Variants in TRIP13 observed in about 807,000 individuals in gnomAD.
TRIP13 encodes pachytene checkpoint protein 2 homolog.
A neutral mutation model predicts 54.4 loss-of-function variants in TRIP13; 25 were observed. The ratio of observed to expected loss-of-function variants is 0.46; its 90% CI spans 0.33 to 0.64. The LOEUF (loss-of-function observed/expected upper bound fraction) is 0.64. TRIP13 is among the 30% of genes least tolerant of loss of function. TRIP13 has a pLI of 0.02. For synonymous variants in TRIP13, 207 were observed against 207.8 expected (o/e 1.00, Z 0.03); for missense variants, 373 against 534.2 (o/e 0.70, Z 2.97).
rs1753683154 is a variant in TRIP13 at position 892,887 on chromosome 5, T to G, written c.-112T>G. ...GAGGTGGTGCGCCTCGCGCGGCAGA[T>G]TCGAAGCTAGGGCGGGGCCCGCGGG... On this transcript the variant is annotated 5_prime_UTR_variant, in exon 1 of 13. Transcript: ENST00000166345. The G allele has an allele frequency of 2.2e-5, 25 of 1,159,892 alleles. No individual in the cohort carries two copies. The South Asian group carries it at 3.5e-4, about 16-fold the overall frequency. 71.9% of individuals were successfully genotyped at this position (1,159,892 alleles called of 1,614,324 possible).
chr5:901,941 C>G (rs960424958), intron 5 of TRIP13, among the ~76,000 whole-genome samples: 4 of 152,204 alleles, frequency 2.6e-5, no homozygotes, highest in Non-Finnish European at 4.4e-5. Flanking sequence ...ATTGATTACT[C>G]GGCACTTAAT....
chr5:896,772 A>G lies in TRIP13; in HGVS notation c.366A>G (p.Ala122=), dbSNP rs781521478. 2.5e-6 allele frequency: 4 copies of G among 1,613,750 alleles called. No individual in the cohort carries two copies. Among genetic ancestry groups the G allele is most frequent in the Non-Finnish European group, 3.4e-6 (4 of 1,179,776 alleles). The change falls in exon 3 of 13, where the codon GCA becomes GCG. Residue 122 remains alanine, a synonymous_variant. Transcript: ENST00000166345. The part of the protein sequence containing the change: ...LEEETENIIA[A]NHWVLPAAEF... ...AAGAGACAGAAAACATAATTGCAGCAAATCACTGGGTTCTACCTGCAGGTA... is the reference window on the plus strand; with the variant it reads ...AAGAGACAGAAAACATAATTGCAGCGAATCACTGGGTTCTACCTGCAGGTA...
At chr5:905,478 C>T (rs1404266843) in intron 6 of TRIP13, among the ~76,000 whole-genome samples, 1 of 152,198 alleles carries the variant, frequency 6.6e-6, no homozygotes, top group Admixed American at 6.5e-5. Context: ...CCTTCAGTCA[C>T]TTCAGACTCC....
At chr5:894,701 A>G (rs1753870530) in intron 1 of TRIP13, 86 bp from the exon 2 acceptor site, 2 of 1,452,716 alleles carry the variant, frequency 1.4e-6, no homozygotes, top group African/African-American at 2.8e-5. Context: ...TTTCTTATGT[A>G]TTGTCTGAGT....
chr5:901,428 C>T lies in TRIP13; in HGVS notation c.532C>T (p.His178Tyr), dbSNP rs149516370. ...LITWNRVVLL[H>Y]GPPGTGKTSL... is the part of the protein sequence containing the mutation. ...CACCTGGAACCGGGTGGTGCTGCTC[C>T]ACGGTAAATTATGCAGGCTTTTATT... The change falls in exon 5 of 13, where the codon CAC becomes TAC. Residue 178 changes from histidine to tyrosine, a missense_variant. By Grantham distance (83) the His-to-Tyr change is moderately conservative. Around this residue, in one of 4 missense-constraint regions of TRIP13, gnomAD observed 119 missense variants for 223.0 expected, o/e 0.53. Transcript: ENST00000166345. The T allele has an allele frequency of 3.4e-5, 55 of 1,613,948 alleles. No homozygotes were observed. In the East Asian group the frequency reaches 1.2e-3, roughly 36 times the overall value.
Position 907,893 on chromosome 5 carries a change from G to T in TRIP13, c.673-95G>T. On this transcript the variant is annotated intron_variant, in intron 7 of 12. Coordinates refer to ENST00000166345, the MANE Select transcript of TRIP13 (RefSeq NM_004237.4). The surrounding 1 kb of genome is among the most constrained non-coding windows in gnomAD (Gnocchi z 4.1). ...GCCGTCAGGAGACAGTGGGCTTGTGGGGACAACTGGGGCAGCAGGCCACAT... is the reference window on the plus strand; with the variant it reads ...GCCGTCAGGAGACAGTGGGCTTGTGTGGACAACTGGGGCAGCAGGCCACAT... 7.8e-7 allele frequency: 1 copy of T among 1,277,888 alleles called. No homozygotes were observed. The highest frequency in any genetic ancestry group is 1.1e-6 in the Non-Finnish European group (1 of 880,038). 79.2% of individuals were successfully genotyped at this position (1,277,888 alleles called of 1,614,324 possible).
intron 3 of TRIP13, among the ~76,000 whole-genome samples, chr5:897,138 C>T (rs111372214): frequency 4.4e-5 from 6 of 136,180 alleles, no homozygotes; most frequent in South Asian, 5.0e-4. Flanking sequence ...GCCAAGCCCA[C>T]GGCTTCATTC....
At chr5:914,414 C>A in intron 10 of TRIP13, 51 bp from the exon 11 acceptor site, 3 of 1,350,426 alleles carry the variant, frequency 2.2e-6, no homozygotes, top group Non-Finnish European at 3.2e-6. Context: ...ACGGTGCCTA[C>A]GCTCAGGCCT....
intron 6 of TRIP13, among the ~76,000 whole-genome samples, chr5:904,645 G>A (rs1174969920): frequency 6.6e-6 from 1 of 151,596 alleles, no homozygotes; most frequent in Non-Finnish European, 1.5e-5. Context: ...TAGACTGTTT[G>A]ATGTTGTTCC....
rs998206621 is a variant in TRIP13, at chr5:915,964, G to A, written c.1194G>A (p.Leu398=). ...LRKLPFLAHA[L]YVQAPTVTIE... is the part of the protein sequence containing the mutation. Reference sequence around the variant, plus strand: ...AACTCCCCTTTCTGGCTCATGCGCTGTATGTCCAGGTGAGTCTCCACTGCT... The same window carrying A: ...AACTCCCCTTTCTGGCTCATGCGCTATATGTCCAGGTGAGTCTCCACTGCT... The change falls in exon 12 of 13, where the codon CTG becomes CTA. Residue 398 remains leucine, a synonymous_variant. Coordinates refer to ENST00000166345, the MANE Select transcript of TRIP13 (RefSeq NM_004237.4). The surrounding 1 kb of genome is among the most constrained non-coding windows in gnomAD (Gnocchi z 4.2). 1.9e-6 allele frequency: 3 copies of A among 1,614,104 alleles called. No individual in the cohort carries two copies. The highest frequency in any genetic ancestry group is 1.3e-5 in the African/African-American group (1 of 75,050).
chr5:903,786 AAAGG>A (rs1206123676), intron 5 of TRIP13, among the ~76,000 whole-genome samples: 8 of 152,314 alleles, frequency 5.3e-5, no homozygotes, highest in African/African-American at 1.9e-4. Context: ...TGGATTTCAT[AAAGG>A]AAGAGTGGGG....
At chr5:893,277 C>G (rs1457325423) in intron 1 of TRIP13, among the ~76,000 whole-genome samples, 187 bp downstream of exon 1, 2 of 152,074 alleles carry the variant, frequency 1.3e-5, no homozygotes, top group African/African-American at 4.8e-5. Context: ...TGACGCGACC[C>G]CACCGCAGGG....
intron 3 of TRIP13, among the ~76,000 whole-genome samples, chr5:900,098 C>A (rs1033655755): frequency 1.3e-5 from 2 of 152,084 alleles, no homozygotes; most frequent in African/African-American, 2.4e-5. Context: ...TGTTCACCAC[C>A]AAAAAATGAT....
intron 11 of TRIP13, among the ~76,000 whole-genome samples, chr5:914,898 G>T (rs1754313041): frequency 6.6e-6 from 1 of 152,148 alleles, no homozygotes; most frequent in Non-Finnish European, 1.5e-5. Flanking sequence ...GGCTTTGGGG[G>T]TCCAGGGAGG....
rs1308781027 is a variant in TRIP13 at position 892,966 on chromosome 5, C to T, written c.-33C>T. On this transcript the variant is annotated 5_prime_UTR_variant, in exon 1 of 13. Coordinates refer to ENST00000166345, the MANE Select transcript of TRIP13 (RefSeq NM_004237.4). ...GGGCGTGAGGTGGCGGCGGCCGCGC[C>T]CTGGTTGGGTCCCCACTGCTCTCGG... 1.3e-6 allele frequency: 2 copies of T among 1,484,406 alleles called. No homozygotes were observed. The highest frequency in any genetic ancestry group is 1.8e-6 in the Non-Finnish European group (2 of 1,120,700). 92.0% of individuals were successfully genotyped at this position (1,484,406 alleles called of 1,614,324 possible).
At position 912,037 on chromosome 5, in the gene TRIP13, C is replaced by T; in HGVS notation, c.1020+41C>T. The T allele has an allele frequency of 1.3e-6, 2 of 1,583,606 alleles. No individual in the cohort carries two copies. The highest frequency in any genetic ancestry group is 1.2e-5 in the South Asian group (1 of 86,652). ...TTTTCCTCTTGATACAAATGGATTT[C>T]TTATATGTTCTTAATTAATTAAGAT... is the stretch of plus-strand genomic sequence containing the variant. On this transcript the variant is annotated intron_variant, in intron 10 of 12. Coordinates refer to ENST00000166345, the MANE Select transcript of TRIP13 (RefSeq NM_004237.4). This position sits in a 1 kb window ranked among gnomAD's most constrained non-coding sequence, Gnocchi z 7.2.
intron 6 of TRIP13, among the ~76,000 whole-genome samples, chr5:905,387 C>T (rs1754092433): frequency 1.3e-5 from 2 of 152,170 alleles, no homozygotes; most frequent in Admixed American, 6.5e-5. Context: ...TCCAGGACAT[C>T]GGGGGCGCCA....
At chr5:900,415 A>G in intron 3 of TRIP13, 79 bp from the exon 4 acceptor site, 1 of 1,427,752 alleles carries the variant, frequency 7.0e-7, no homozygotes, top group Non-Finnish European at 9.8e-7. Context: ...GCTCAGGCTT[A>G]GGCTCAGGGG....
At position 911,185 on chromosome 5, in the gene TRIP13, G is replaced by A. The variant is rs959623438; in HGVS notation, c.867-658G>A. ...ACATGGGAAGTAACCCAGCTCTAGA[G>A]TATGTCTAGGGATGATGAGTGGCCA... On this transcript the variant is annotated intron_variant, in intron 9 of 12. Transcript: ENST00000166345. The surrounding 1 kb of genome is among the most constrained non-coding windows in gnomAD (Gnocchi z 4.7). Among the ~76,000 whole-genome samples, 2 of 152,222 alleles carry A rather than the reference G, an allele frequency of 1.3e-5. No homozygotes were observed. The highest frequency in any genetic ancestry group is 2.9e-5 in the Non-Finnish European group (2 of 68,028).
Sources: gnomAD v4.1 joint callset for allele counts (sites outside exome capture counted in the v4.1 genomes callset) on GRCh38, gnomAD v4.1.1 for gene constraint, gnomAD v4.1.1 regional missense constraint, Gnocchi (gnomAD v3.1) non-coding constraint, MANE v1.5 for transcripts, NCBI Gene and HGNC (gene_info 2026-07-23, HGNC 2026-07-21) for gene names.